The following CLVS1 variants were observed in gnomAD, a reference collection of about 807,000 sequenced individuals.
CLVS1 encodes the protein clavesin-1.
CLVS1 carries 10 observed loss-of-function variants against 33.1 expected under a neutral mutation model. The observed-to-expected ratio is 0.30, with a 90% CI of 0.19 to 0.51. The LOEUF (loss-of-function observed/expected upper bound fraction) is 0.51, where lower values mean the gene tolerates loss of function less well. CLVS1 is among the 20% of genes least tolerant of loss of function. The pLI is 0.97. For missense variants in CLVS1, 343 were observed against 433.4 expected, an observed-to-expected ratio of 0.79 and a Z score of 1.85; for synonymous variants, 163 against 166.1, an observed-to-expected ratio of 0.98 and a Z score of 0.14.
intron 2 of CLVS1, among the ~76,000 whole-genome samples, chr8:61,215,190 ATTCAAAGAAC>A (rs1221122403): frequency 1.3e-5 from 2 of 152,204 alleles, no homozygotes; most frequent in African/African-American, 4.8e-5. Flanking sequence ...GATGTCAGGT[ATTCAAAGAAC>A]TTAGTCAGAA....
At chr8:61,259,774 A>G (rs748798153) in intron 2 of CLVS1, among the ~76,000 whole-genome samples, 12 of 152,298 alleles carry the variant, frequency 7.9e-5, no homozygotes, top group African/African-American at 1.2e-4. Context: ...TTTCATGGGT[A>G]TTTATGGTTA....
intron 2 of CLVS1, among the ~76,000 whole-genome samples, chr8:61,366,334 ATT>A (rs1387699699): frequency 1.3e-5 from 2 of 152,172 alleles, no homozygotes; most frequent in African/African-American, 2.4e-5. Context: ...TCCATCTAGC[ATT>A]TGTTATTCAC....
At chr8:61,478,728 G>T (rs1470700507) in intron 5 of CLVS1, among the ~76,000 whole-genome samples, 1 of 152,034 alleles carries the variant, frequency 6.6e-6, no homozygotes, top group East Asian at 1.9e-4. Flanking sequence ...TGTGAGATGG[G>T]TCTCCTAAAT....
the CLVS1 span, among the ~76,000 whole-genome samples, chr8:61,027,952 G>A: frequency 6.6e-6 from 1 of 152,166 alleles, no homozygotes; most frequent in Non-Finnish European, 1.5e-5. Flanking sequence ...GGTGCATTAA[G>A]CAATCAAGAG....
chr8:61,411,661 TGGTCACA>T (rs1815230524), intron 3 of CLVS1, among the ~76,000 whole-genome samples: 1 of 152,208 alleles, frequency 6.6e-6, no homozygotes, highest in Admixed American at 6.5e-5. Flanking sequence ...GTCACATTTG[TGGTCACA>T]GGTCACAGGA....
the CLVS1 span, among the ~76,000 whole-genome samples, chr8:61,033,388 G>A: frequency 3.9e-4 from 18 of 46,274 alleles, no homozygotes; most frequent in Admixed American, 2.9e-3. Context: ...CAGAAATGCA[G>A]AAAAGCAAGC....
chr8:61,137,655 C>T (rs1281493190), intron 2 of CLVS1, among the ~76,000 whole-genome samples: 4 of 152,154 alleles, frequency 2.6e-5, no homozygotes, highest in Non-Finnish European at 5.9e-5. Flanking sequence ...GCTATGTCCT[C>T]AAGTCTTCAG....
In CLVS1 at chr8:61,059,497, T is replaced by C. The variant is rs188261512; in HGVS notation, c.-243+2267T>C. Among the ~76,000 whole-genome samples, 103 of 100,712 alleles carry C rather than the reference T, an allele frequency of 1.0e-3. 6 individuals are homozygous for C. Among genetic ancestry groups the C allele is most frequent in the Middle Eastern group, 0.011 (2 of 190 alleles). The allele number at this position is 100,712 out of a possible 152,430, so 66.1% of individuals were successfully genotyped here. On this transcript the variant is annotated intron_variant, in intron 1 of 2. Transcript: ENST00000522621. ...ATACATATATATATATATATATATA[T>C]ATACACATATCTTGAAAATAGCACG... is the stretch of plus-strand genomic sequence containing the variant.
rs191370414 is a variant in CLVS1 at position 61,222,599 on chromosome 8, T to C, written c.-151-77078T>C. On this transcript the variant is annotated intron_variant, in intron 2 of 2. Transcript: ENST00000522621. ...CTGAGGCGTCTTTTACTTCCAATTA[T>C]GTGGTCGATTTTAGAGTAAGGGCCA... is the stretch of plus-strand genomic sequence containing the variant. Among the ~76,000 whole-genome samples the C allele has an allele frequency of 7.0e-3, 1,070 of 152,330 alleles. 16 individuals carry two copies. Among genetic ancestry groups the C allele is most frequent in the African/African-American group, 0.024 (1,002 of 41,588 alleles).
At chr8:61,287,910 C>T, upstream of CLVS1, 1 of 354,110 alleles carries the variant, frequency 2.8e-6, no homozygotes, top group Non-Finnish European at 5.6e-6. Flanking sequence ...GGTACGGAGG[C>T]ATTTAGGACC....
At chr8:61,057,631 G>GA (rs796843636) in intron 1 of CLVS1, among the ~76,000 whole-genome samples, 52 of 143,784 alleles carry the variant, frequency 3.6e-4, no homozygotes, top group African/African-American at 5.6e-4. Flanking sequence ...CCAGTCAGAA[G>GA]AAAAAAAAAA....
At chr8:61,225,843 T>C (rs1446972390) in intron 2 of CLVS1, among the ~76,000 whole-genome samples, 1 of 152,166 alleles carries the variant, frequency 6.6e-6, no homozygotes, top group Non-Finnish European at 1.5e-5. Flanking sequence ...TTCAACTCAG[T>C]TTATTGGCAA....
intron 3 of CLVS1, among the ~76,000 whole-genome samples, chr8:61,444,301 G>T (rs1816675730): frequency 6.6e-6 from 1 of 152,122 alleles, no homozygotes; most frequent in African/African-American, 2.4e-5. Flanking sequence ...CACTTGTCTT[G>T]TTCCTGTTGT....
At chr8:61,306,040 T>C (rs1810614106) in intron 2 of CLVS1, among the ~76,000 whole-genome samples, 1 of 152,210 alleles carries the variant, frequency 6.6e-6, no homozygotes, top group South Asian at 2.1e-4. Context: ...TTATATTCCT[T>C]CGGGTATATA....
intron 1 of CLVS1, among the ~76,000 whole-genome samples, chr8:61,075,842 A>T (rs1804900390): frequency 6.6e-6 from 1 of 152,114 alleles, no homozygotes; most frequent in African/African-American, 2.4e-5. Context: ...TTTCTCACAC[A>T]TCCTATCCAG....
At chr8:61,085,463 A>T (rs1805099752) in intron 1 of CLVS1, among the ~76,000 whole-genome samples, 1 of 152,166 alleles carries the variant, frequency 6.6e-6, no homozygotes, top group African/African-American at 2.4e-5. Context: ...TTAAACAAAC[A>T]AATCAATAAC....
chr8:60,968,082 GCCT>G, the CLVS1 span, among the ~76,000 whole-genome samples: 1 of 152,164 alleles, frequency 6.6e-6, no homozygotes, highest in Non-Finnish European at 1.5e-5. Context: ...GGGACCACAG[GCCT>G]GCCCCTGGCG....
In CLVS1 at chr8:61,219,468, G is replaced by C. The variant is rs138894816; in HGVS notation, c.-151-80209G>C. 3.3e-3 allele frequency among the ~76,000 whole-genome samples: 502 copies of C among 152,318 alleles called. 1 individual carries two copies. Among genetic ancestry groups the C allele is most frequent in the African/African-American group, 0.011 (466 of 41,558 alleles). Reference sequence around the variant, plus strand: ...CCAGCTTCATCCATATCCCTGCAAAGAACATGATCTCATTCCCTTTTACAG... The same window carrying C: ...CCAGCTTCATCCATATCCCTGCAAACAACATGATCTCATTCCCTTTTACAG... On this transcript the variant is annotated intron_variant, in intron 2 of 2. Coordinates refer to the CLVS1 transcript ENST00000522621.
chr8:61,410,638 CT>C (rs1049948081), intron 3 of CLVS1, among the ~76,000 whole-genome samples: 1 of 151,980 alleles, frequency 6.6e-6, no homozygotes, highest in African/African-American at 2.4e-5. Context: ...TTTCTTTTTC[CT>C]TTTTTATTTT....
Sources: gnomAD v4.1 joint callset for allele counts (sites outside exome capture counted in the v4.1 genomes callset) on GRCh38, gnomAD v4.1.1 for gene constraint, MANE v1.5 for transcripts, NCBI Gene and HGNC (gene_info 2026-07-23, HGNC 2026-07-21) for gene names.